SGCG: variants seen among roughly 807,000 people sequenced by gnomAD.
SGCG encodes sarcoglycan gamma.
SGCG carries 26 observed loss-of-function variants against 29.3 expected under a neutral mutation model. That is an observed-to-expected ratio of 0.89 (90% confidence interval 0.65 to 1.23). The LOEUF (loss-of-function observed/expected upper bound fraction) is 1.23. Ranked by LOEUF, SGCG falls within the 50% of genes most tolerant of loss-of-function variation. SGCG has a pLI of 0.00. For synonymous variants in SGCG, 145 were observed against 129.7 expected (o/e 1.12, Z -0.80); for missense variants, 353 against 356.0 (o/e 0.99, Z 0.07).
chr13:23,197,007 A>G (rs971164736), intron 1 of SGCG, among the ~76,000 whole-genome samples: 3 of 152,156 alleles, frequency 2.0e-5, no homozygotes, highest in Non-Finnish European at 4.4e-5. Context: ...TGGAAGAGCA[A>G]CTTGTATAGA....
chr13:23,230,954 A>G (rs1259609368), intron 2 of SGCG, among the ~76,000 whole-genome samples: 1 of 152,184 alleles, frequency 6.6e-6, no homozygotes, highest in Non-Finnish European at 1.5e-5. Context: ...ATTTTAAAGT[A>G]TGTTCCTTCA....
the SGCG span, among the ~76,000 whole-genome samples, chr13:23,171,195 C>T: frequency 6.6e-6 from 1 of 152,132 alleles, no homozygotes; most frequent in African/African-American, 2.4e-5. Flanking sequence ...TAAATTCACT[C>T]AGCATTAAGG....
intron 2 of SGCG, among the ~76,000 whole-genome samples, chr13:23,233,349 A>C (rs1879181471): frequency 6.6e-6 from 1 of 152,214 alleles, no homozygotes. Flanking sequence ...CACTTACATA[A>C]GGTACTTAGA....
At chr13:23,320,597 C>CTTTTTTTTTTTT in intron 6 of SGCG, 40 bp from the exon 7 acceptor site, 10 of 1,321,594 alleles carry the variant, frequency 7.6e-6, no homozygotes, top group Admixed American at 2.3e-5. Context: ...ATTTTTAATA[C>CTTTTTTTTTTTT]TTTTTTTTTT....
chr13:23,180,415 A>T (rs1484497994), upstream of SGCG, among the ~76,000 whole-genome samples: 1 of 152,190 alleles, frequency 6.6e-6, no homozygotes, highest in South Asian at 2.1e-4. Flanking sequence ...ACCTTCTATT[A>T]TGGTGATCTT....
intron 1 of SGCG, among the ~76,000 whole-genome samples, chr13:23,185,077 G>C (rs7322327): frequency 0.26 from 39,586 of 152,048 alleles, 5,997 homozygotes; most frequent in African/African-American, 0.43. Flanking sequence ...AATCTTTTGT[G>C]ATAATTTTTG....
At chr13:23,303,168 G>T (rs1882233051) in intron 6 of SGCG, among the ~76,000 whole-genome samples, 1 of 140,776 alleles carries the variant, frequency 7.1e-6, no homozygotes, top group South Asian at 2.4e-4. Flanking sequence ...CATCATAATC[G>T]ATTCAGAATC....
upstream of SGCG, among the ~76,000 whole-genome samples, chr13:23,179,664 T>C (rs999714814): frequency 4.6e-5 from 7 of 152,226 alleles, no homozygotes; most frequent in African/African-American, 1.7e-4. Context: ...AGAGAATTCA[T>C]GAAAGGTTTT....
chr13:23,220,696 T>C (rs1430585478), intron 2 of SGCG, among the ~76,000 whole-genome samples: 2 of 152,218 alleles, frequency 1.3e-5, no homozygotes, highest in African/African-American at 2.4e-5. Context: ...CACCAATCTT[T>C]ACCCTTTCTT....
At chr13:23,180,530 G>C (rs1310154492), upstream of SGCG, among the ~76,000 whole-genome samples, 2 of 152,146 alleles carry the variant, frequency 1.3e-5, no homozygotes, top group Non-Finnish European at 2.9e-5. Context: ...CCGTTCATTT[G>C]GATGAGACTA....
At chr13:23,228,114 G>A (rs1379671768) in intron 2 of SGCG, among the ~76,000 whole-genome samples, 2 of 152,004 alleles carry the variant, frequency 1.3e-5, no homozygotes, top group African/African-American at 4.8e-5. Context: ...ATTTTATGGT[G>A]GTAGAGCTGT....
At position 23,253,884 on chromosome 13, in the gene SGCG, C is replaced by A. The variant is rs1208738652; in HGVS notation, c.385+3167C>A. ...TCTTCTCTCTTGCTCCTACTCTTAC[C>A]ACGTGATGCACCTGCTCCTTCTTTG... On this transcript the variant is annotated intron_variant, in intron 4 of 7. Transcript: ENST00000218867. 1.1e-4 allele frequency among the ~76,000 whole-genome samples: 16 copies of A among 152,166 alleles called. 1 individual carries two copies. The highest frequency in any genetic ancestry group is 2.9e-5 in the Non-Finnish European group (2 of 68,032).
chr13:23,160,797 C>G, the SGCG span, among the ~76,000 whole-genome samples: 1 of 152,172 alleles, frequency 6.6e-6, no homozygotes, highest in African/African-American at 2.4e-5. Context: ...CATCACCACC[C>G]GTGCCCTCTT....
Position 23,324,468 on chromosome 13 carries a change from C to T in SGCG, c.803C>T (p.Pro268Leu), listed in dbSNP as rs143110015. The T allele has an allele frequency of 1.7e-5, 28 of 1,613,834 alleles. No individual in the cohort carries two copies. The African/African-American group carries it at 3.3e-4, about 19-fold the overall frequency. The change falls in exon 8 of 8, where the codon CCA becomes CTA. Residue 268 changes from proline to leucine, a missense_variant. By Grantham distance (98) the Pro-to-Leu change is moderately conservative. Transcript: ENST00000218867. Reference sequence around the variant, plus strand: ...AGCCTCTACGAAATCTGTGTGTGTCCAGATGGGAAGCTGTACCTGTCTGTG... The same window carrying T: ...AGCCTCTACGAAATCTGTGTGTGTCTAGATGGGAAGCTGTACCTGTCTGTG... The part of the protein sequence containing the change: ...SQSLYEICVC[P>L]DGKLYLSVAG...
intron 2 of SGCG, among the ~76,000 whole-genome samples, chr13:23,227,475 G>T (rs756142235): frequency 6.6e-6 from 1 of 151,998 alleles, no homozygotes; most frequent in Non-Finnish European, 1.5e-5. Context: ...CCTTAGACCC[G>T]CCATACAAAC....
At chr13:23,209,228 T>C (rs779661224) in intron 2 of SGCG, among the ~76,000 whole-genome samples, 27 of 152,290 alleles carry the variant, frequency 1.8e-4, no homozygotes, top group Admixed American at 5.2e-4. Context: ...TGGTAATAAG[T>C]TACATTGCCC....
At chr13:23,244,620 C>T (rs1018423854) in intron 3 of SGCG, 11 of 152,132 alleles carry the variant, frequency 7.2e-5, no homozygotes, top group Non-Finnish European at 1.2e-4. Context: ...ACTGTAAACC[C>T]ATGGGATTCT....
At chr13:23,219,493 C>T (rs61946660) in intron 2 of SGCG, among the ~76,000 whole-genome samples, 9,279 of 151,998 alleles carry the variant, frequency 0.061, 398 homozygotes, top group Middle Eastern at 0.15. Context: ...TTTATAGCTG[C>T]GGTAGTATTA....
At chr13:23,192,257 G>T (rs1324307342) in intron 1 of SGCG, among the ~76,000 whole-genome samples, 6 of 152,074 alleles carry the variant, frequency 3.9e-5, no homozygotes, top group Non-Finnish European at 2.9e-5. Flanking sequence ...AAGTTAAAGG[G>T]TCTGGAAGTA....
Sources: gnomAD v4.1 joint callset for allele counts (sites outside exome capture counted in the v4.1 genomes callset) on GRCh38, gnomAD v4.1.1 for gene constraint, MANE v1.5 for transcripts, NCBI Gene and HGNC (gene_info 2026-07-23, HGNC 2026-07-21) for gene names.